RANBP2: variants seen among roughly 807,000 people sequenced by gnomAD.
RANBP2 encodes E3 SUMO-protein ligase RanBP2.
RANBP2 carries 57 observed loss-of-function variants against 303.6 expected under a neutral mutation model. The observed-to-expected ratio is 0.19, with a 90% confidence interval of 0.15 to 0.23. The LOEUF (loss-of-function observed/expected upper bound fraction) is 0.23, where lower values mean the gene tolerates loss of function less well. Ranked by LOEUF, RANBP2 falls within the 10% of genes least tolerant of loss-of-function variation. RANBP2 has a pLI of 1.00. For missense variants in RANBP2, 3,138 were observed against 3,780.8 expected (o/e 0.83, Z 4.46); for synonymous variants, 1,167 against 1,301.5 (o/e 0.90, Z 2.23).
chr2:109,273,917 T>C, the RANBP2 span, among the ~76,000 whole-genome samples: 3 of 152,158 alleles, frequency 2.0e-5, no homozygotes, highest in African/African-American at 7.2e-5. Context: ...GTGGTAGGAC[T>C]GGGTTTGGTG....
At chr2:109,043,036 G>A in the RANBP2 span, among the ~76,000 whole-genome samples, 1 of 152,142 alleles carries the variant, frequency 6.6e-6, no homozygotes, top group Non-Finnish European at 1.5e-5. Context: ...AGAAATGAAA[G>A]GACCATCATT....
At chr2:109,078,265 CGCGTATATATATATATATATAT>C in the RANBP2 span, among the ~76,000 whole-genome samples, 2 of 13,332 alleles carry the variant, frequency 1.5e-4, 1 homozygote, top group Non-Finnish European at 2.7e-4. Context: ...ATATATATAG[CGCGTATATATATATATATATAT>C]ATATATATAT....
At chr2:108,758,391 T>A (rs771864962) in intron 17 of RANBP2, 22 bp from the exon 18 acceptor site, 1 of 1,611,804 alleles carries the variant, frequency 6.2e-7, no homozygotes, top group Non-Finnish European at 8.5e-7. Flanking sequence ...TAAAATTATT[T>A]GATTTTTTTT....
chr2:109,626,430 C>G, the RANBP2 span, among the ~76,000 whole-genome samples: 1 of 152,056 alleles, frequency 6.6e-6, no homozygotes, highest in East Asian at 1.9e-4. Context: ...GATTCCGCCA[C>G]TGCACTCCAG....
In RANBP2 at chr2:108,784,127, T is replaced by C; in HGVS notation, c.*226T>C. ...TGTATTTCAGGTGTACTTGTGTTTA[T>C]GTACTCCTGACGTATTAAAATGGAA... is the stretch of plus-strand genomic sequence containing the variant. On this transcript the variant is annotated 3_prime_UTR_variant, in exon 29 of 29. Coordinates refer to ENST00000283195, the MANE Select transcript of RANBP2 (RefSeq NM_006267.5). 2 of 522,222 alleles carry C rather than the reference T, an allele frequency of 3.8e-6. No individual in the cohort carries two copies. Among genetic ancestry groups the C allele is most frequent in the Non-Finnish European group, 6.8e-6 (2 of 292,284 alleles). The allele number at this position is 522,222 out of a possible 1,614,324, so 32.3% of individuals were successfully genotyped here.
the RANBP2 span, among the ~76,000 whole-genome samples, chr2:109,603,973 A>G: frequency 1.3e-5 from 2 of 151,614 alleles, no homozygotes; most frequent in African/African-American, 4.8e-5. Flanking sequence ...CATCCTGGCT[A>G]ACACGGTGAA....
the RANBP2 span, among the ~76,000 whole-genome samples, chr2:109,199,214 C>G: frequency 1.3e-5 from 2 of 150,450 alleles, no homozygotes; most frequent in African/African-American, 2.5e-5. Context: ...AAAAAATTAG[C>G]CAGGCGTGGT....
chr2:108,906,038 G>A, the RANBP2 span, among the ~76,000 whole-genome samples: 15 of 152,152 alleles, frequency 9.9e-5, no homozygotes, highest in South Asian at 2.1e-4. Flanking sequence ...CCGACCCTGC[G>A]TTTCCCTACA....
chr2:108,734,173 G>A (rs544868396), intron 4 of RANBP2, among the ~76,000 whole-genome samples: 148 of 151,490 alleles, frequency 9.8e-4, no homozygotes, highest in African/African-American at 3.4e-3. Context: ...AGTAGTAATG[G>A]GCGGCTTGGT....
At chr2:109,174,837 A>G in the RANBP2 span, among the ~76,000 whole-genome samples, 1 of 152,168 alleles carries the variant, frequency 6.6e-6, no homozygotes, top group African/African-American at 2.4e-5. Context: ...CAGGGATAGG[A>G]TAGCAGGAGC....
At chr2:109,115,061 T>A in the RANBP2 span, among the ~76,000 whole-genome samples, 12 of 152,328 alleles carry the variant, frequency 7.9e-5, no homozygotes, top group East Asian at 2.3e-3. Flanking sequence ...AAGTATGTGG[T>A]CAATTTTGGA....
the RANBP2 span, among the ~76,000 whole-genome samples, chr2:109,619,309 A>AG: frequency 2.6e-5 from 4 of 152,228 alleles, no homozygotes; most frequent in African/African-American, 9.6e-5. Context: ...ATCAACTTGG[A>AG]GAGAAGGTAA....
At chr2:109,520,114 G>A in the RANBP2 span, among the ~76,000 whole-genome samples, 2 of 152,214 alleles carry the variant, frequency 1.3e-5, no homozygotes, top group Non-Finnish European at 2.9e-5. Context: ...ACGGTACTAC[G>A]TGTAGTTTTG....
the RANBP2 span, among the ~76,000 whole-genome samples, chr2:109,448,874 G>A: frequency 6.6e-6 from 1 of 152,222 alleles, no homozygotes; most frequent in Non-Finnish European, 1.5e-5. Context: ...AACTGGGAAT[G>A]TGCCCATGTT....
chr2:108,734,176 G>A (rs1431972492), intron 4 of RANBP2, among the ~76,000 whole-genome samples: 5 of 151,248 alleles, frequency 3.3e-5, no homozygotes, highest in African/African-American at 7.3e-5. Flanking sequence ...AGTAATGGGC[G>A]GCTTGGTCTT....
the RANBP2 span, among the ~76,000 whole-genome samples, chr2:109,025,329 G>A: frequency 6.6e-6 from 1 of 152,126 alleles, no homozygotes; most frequent in Non-Finnish European, 1.5e-5. Context: ...TCTGTTTTGA[G>A]CATTTGTTTT....
At chr2:109,277,581 G>A in the RANBP2 span, among the ~76,000 whole-genome samples, 36,902 of 152,044 alleles carry the variant, frequency 0.24, 5,639 homozygotes, top group South Asian at 0.36. Flanking sequence ...GTACACTGTC[G>A]TTATCTATCA....
chr2:109,498,927 G>A, the RANBP2 span, among the ~76,000 whole-genome samples: 1 of 152,218 alleles, frequency 6.6e-6, no homozygotes, highest in Non-Finnish European at 1.5e-5. Context: ...TGCACCTGGG[G>A]TCGCTAGGGC....
the RANBP2 span, among the ~76,000 whole-genome samples, chr2:109,399,213 C>T: frequency 2.6e-5 from 4 of 152,170 alleles, no homozygotes; most frequent in East Asian, 5.8e-4. Context: ...GTAACACCCA[C>T]CCGCCTCATG....
Sources: gnomAD v4.1 joint callset for allele counts (sites outside exome capture counted in the v4.1 genomes callset) on GRCh38, gnomAD v4.1.1 for gene constraint, MANE v1.5 for transcripts, NCBI Gene and HGNC (gene_info 2026-07-23, HGNC 2026-07-21) for gene names.